Variants in ARHGAP15 observed in about 807,000 individuals in gnomAD.
ARHGAP15 encodes the protein rho GTPase-activating protein 15.
A neutral mutation model predicts 63.7 loss-of-function variants in ARHGAP15; 51 were observed. The ratio of observed to expected loss-of-function variants is 0.80; its 90% CI spans 0.64 to 1.01. The LOEUF (loss-of-function observed/expected upper bound fraction) is 1.01, where lower values mean the gene tolerates loss of function less well. Ranked by LOEUF, ARHGAP15 falls within the 50% of genes least tolerant of loss-of-function variation. The pLI, the probability that ARHGAP15 is intolerant of heterozygous loss-of-function variation, is 0.00. For missense variants in ARHGAP15, 560 were observed against 564.6 expected (o/e 0.99, Z 0.08); for synonymous variants, 191 against 193.8 (o/e 0.99, Z 0.12).
intron 5 of ARHGAP15, among the ~76,000 whole-genome samples, chr2:143,232,314 CA>C (rs1285014569): frequency 6.6e-6 from 1 of 151,928 alleles, no homozygotes; most frequent in Non-Finnish European, 1.5e-5. Context: ...CACCCTTTAC[CA>C]AAAAGAAAAC....
chr2:143,707,268 A>G (rs55732726), intron 13 of ARHGAP15, among the ~76,000 whole-genome samples: 47,145 of 152,072 alleles, frequency 0.31, 7,673 homozygotes, highest in Non-Finnish European at 0.36. Flanking sequence ...AGATTTTTCA[A>G]AGGAAAAGTC....
intron 8 of ARHGAP15, among the ~76,000 whole-genome samples, chr2:143,463,259 A>T (rs1251833897): frequency 1.3e-5 from 2 of 152,006 alleles, no homozygotes; most frequent in Non-Finnish European, 2.9e-5. Flanking sequence ...TATATATTAT[A>T]GGCCGGGTGC....
At chr2:143,222,402 T>C (rs887627807) in intron 4 of ARHGAP15, among the ~76,000 whole-genome samples, 2 of 152,226 alleles carry the variant, frequency 1.3e-5, no homozygotes, top group African/African-American at 2.4e-5. Context: ...TTCTGACTTT[T>C]TGGTTTGCCA....
intron 8 of ARHGAP15, among the ~76,000 whole-genome samples, chr2:143,467,167 A>G (rs887054708): frequency 2.0e-5 from 3 of 151,284 alleles, no homozygotes; most frequent in African/African-American, 7.3e-5. Context: ...TCTAATATAT[A>G]GACTGGGGAA....
At chr2:143,490,088 C>T (rs1033217489) in intron 9 of ARHGAP15, among the ~76,000 whole-genome samples, 2 of 151,920 alleles carry the variant, frequency 1.3e-5, no homozygotes, top group Admixed American at 1.3e-4. Flanking sequence ...CAAGCTCTGC[C>T]TCCTGGGTTC....
chr2:143,428,056 G>A (rs1327725833), intron 6 of ARHGAP15, among the ~76,000 whole-genome samples: 1 of 152,028 alleles, frequency 6.6e-6, no homozygotes, highest in Non-Finnish European at 1.5e-5. Context: ...GGGGGGAATG[G>A]AAAGACCAAC....
At chr2:143,666,035 C>A (rs1301344370) in intron 12 of ARHGAP15, among the ~76,000 whole-genome samples, 2 of 151,300 alleles carry the variant, frequency 1.3e-5, no homozygotes, top group Non-Finnish European at 2.9e-5. Context: ...ATCAAGCTAC[C>A]AATGACTTTC....
At chr2:143,419,721 A>C (rs1688836240) in intron 6 of ARHGAP15, among the ~76,000 whole-genome samples, 1 of 152,072 alleles carries the variant, frequency 6.6e-6, no homozygotes, top group African/African-American at 2.4e-5. Context: ...AAATACATTA[A>C]ATACTAAGAG....
chr2:143,665,133 A>C (rs1682086816), intron 12 of ARHGAP15, among the ~76,000 whole-genome samples: 1 of 151,142 alleles, frequency 6.6e-6, no homozygotes, highest in African/African-American at 2.4e-5. Flanking sequence ...ATTTTAGACC[A>C]ATATCCTTGA....
chr2:143,415,531 A>T (rs1688637563), intron 6 of ARHGAP15, among the ~76,000 whole-genome samples: 2 of 152,214 alleles, frequency 1.3e-5, no homozygotes, highest in Admixed American at 6.5e-5. Flanking sequence ...CTTTACTAAG[A>T]GTCAGGGAAT....
At chr2:143,576,179 G>C (rs752432135) in intron 11 of ARHGAP15, among the ~76,000 whole-genome samples, 24 of 152,132 alleles carry the variant, frequency 1.6e-4, no homozygotes, top group Non-Finnish European at 3.1e-4. Context: ...CAGCAGTGTA[G>C]GTGGATGCTT....
At chr2:143,220,510 C>T (rs1469351718) in intron 4 of ARHGAP15, among the ~76,000 whole-genome samples, 3 of 152,150 alleles carry the variant, frequency 2.0e-5, no homozygotes, top group Non-Finnish European at 4.4e-5. Flanking sequence ...AGCACCCAGC[C>T]TTCTTTTATA....
rs1688557552 is a variant in ARHGAP15, at chr2:143,413,952, T to G, written c.475-21649T>G. Reference sequence around the variant, plus strand: ...TTGTGTGTGTGTGTGTGTGTGTGTGTGTGTGTGTGTGTGTGCGCGCTCTCT... The same window carrying G: ...TTGTGTGTGTGTGTGTGTGTGTGTGGGTGTGTGTGTGTGTGCGCGCTCTCT... On this transcript the variant is annotated intron_variant, in intron 6 of 13. Transcript: ENST00000295095. Among the ~76,000 whole-genome samples, 3 of 96,446 alleles carry G rather than the reference T, an allele frequency of 3.1e-5. No individual in the cohort carries two copies. The South Asian group carries it at 1.3e-3, about 41-fold the overall frequency. 63.3% of individuals were successfully genotyped at this position (96,446 alleles called of 152,430 possible).
intron 13 of ARHGAP15, among the ~76,000 whole-genome samples, chr2:143,743,236 G>A (rs906502459): frequency 1.3e-5 from 2 of 152,132 alleles, no homozygotes; most frequent in South Asian, 2.1e-4. Flanking sequence ...CAGGTTTTTC[G>A]TCTCTAAAAT....
intron 12 of ARHGAP15, among the ~76,000 whole-genome samples, chr2:143,634,865 G>T (rs564131484): frequency 2.0e-5 from 3 of 151,944 alleles, no homozygotes; most frequent in African/African-American, 7.2e-5. Context: ...TAGAACTTAC[G>T]CCTTTATCAT....
chr2:143,317,209 C>T (rs1362805449), intron 6 of ARHGAP15, among the ~76,000 whole-genome samples: 1 of 138,370 alleles, frequency 7.2e-6, no homozygotes, highest in Non-Finnish European at 1.7e-5. Flanking sequence ...CCCCCAGTGC[C>T]TATAAGAGTA....
At chr2:143,257,130 G>T (rs1300211779) in intron 6 of ARHGAP15, among the ~76,000 whole-genome samples, 1 of 152,048 alleles carries the variant, frequency 6.6e-6, no homozygotes, top group East Asian at 1.9e-4. Context: ...TGTTGCCTGG[G>T]TGATCCCGTG....
intron 13 of ARHGAP15, among the ~76,000 whole-genome samples, chr2:143,707,828 A>G (rs1684400263): frequency 6.6e-6 from 1 of 152,240 alleles, no homozygotes; most frequent in South Asian, 2.1e-4. Context: ...ATGCTGTGTT[A>G]AATGTTAAAT....
At chr2:143,645,939 G>A (rs1387222522) in intron 12 of ARHGAP15, among the ~76,000 whole-genome samples, 2 of 152,090 alleles carry the variant, frequency 1.3e-5, no homozygotes, top group East Asian at 3.9e-4. Context: ...GGAAACTGAA[G>A]CAAAACACAT....
Sources: allele counts gnomAD v4.1 joint callset (sites outside exome capture counted in the v4.1 genomes callset), GRCh38; gene constraint gnomAD v4.1.1; transcripts MANE v1.5; gene names NCBI Gene and HGNC (gene_info 2026-07-23, HGNC 2026-07-21).